BIRC2: variants seen among roughly 807,000 people sequenced by gnomAD.
BIRC2 encodes baculoviral IAP repeat containing 2.
A neutral mutation model predicts 60.9 loss-of-function variants in BIRC2; 18 were observed. The observed-to-expected ratio is 0.30, with a 90% CI of 0.20 to 0.44. The LOEUF (loss-of-function observed/expected upper bound fraction) is 0.44. Among genes scored for constraint, BIRC2 ranks in the 20% least tolerant of loss-of-function variants. The probability of loss-of-function intolerance (pLI) is 1.00; values close to 1 mark genes in which losing one functional copy is unlikely to be tolerated. For synonymous variants in BIRC2, 282 were observed against 247.7 expected (o/e 1.14, Z -1.30); for missense variants, 701 against 728.5 (o/e 0.96, Z 0.43).
chr11:102,372,627 A>G (rs1339302689), intron 6 of BIRC2, among the ~76,000 whole-genome samples: 1 of 143,154 alleles, frequency 7.0e-6, no homozygotes, highest in Non-Finnish European at 1.5e-5. Context: ...GTGGTGCTGA[A>G]AAAAATGTAT....
intron 5 of BIRC2, among the ~76,000 whole-genome samples, chr11:102,366,322 G>A (rs919683517): frequency 1.7e-4 from 25 of 150,512 alleles, no homozygotes; most frequent in African/African-American, 5.9e-4. Context: ...TTTCATTTCT[G>A]TCTTCATAAC....
At chr11:102,358,824 T>C (rs1951452978) in intron 3 of BIRC2, among the ~76,000 whole-genome samples, 1 of 152,196 alleles carries the variant, frequency 6.6e-6, no homozygotes, top group South Asian at 2.1e-4. Context: ...GCATGGAATA[T>C]CTTTTTTCCT....
intron 3 of BIRC2, among the ~76,000 whole-genome samples, chr11:102,354,026 A>G (rs1459237935): frequency 1.3e-5 from 2 of 152,112 alleles, no homozygotes; most frequent in Non-Finnish European, 2.9e-5. Flanking sequence ...TCAGCCCTCC[A>G]AATATGTGGG....
rs775357417 is a variant in BIRC2, at chr11:102,362,941, G to A, written c.1041G>A (p.Glu347=). 1.4e-5 allele frequency: 23 copies of A among 1,612,716 alleles called. No individual in the cohort carries two copies. The South Asian group carries it at 2.1e-4, about 15-fold the overall frequency. The change falls in exon 4 of 9, where the codon GAG becomes GAA. Residue 347 remains glutamate, a synonymous_variant. Transcript: ENST00000227758. ...TGAAAGGCCAAGAGTTTGTTGATGA[G>A]ATTCAAGGTAGATATCCTCATCTTC... ...IRMKGQEFVD[E]IQGRYPHLLE... is the part of the protein sequence containing the mutation.
At chr11:102,370,050 A>G (rs1309888168) in intron 6 of BIRC2, among the ~76,000 whole-genome samples, 8 of 152,124 alleles carry the variant, frequency 5.3e-5, no homozygotes, top group Non-Finnish European at 2.9e-5. Flanking sequence ...AGTTCATTGT[A>G]GATTCTGGTT....
chr11:102,366,805 A>G (rs147969951), intron 5 of BIRC2, among the ~76,000 whole-genome samples: 103 of 152,294 alleles, frequency 6.8e-4, no homozygotes, highest in African/African-American at 2.2e-3. Context: ...ACACAAGTCA[A>G]GTTTTATCAG....
At chr11:102,373,747 A>G (rs1156657123) in intron 6 of BIRC2, among the ~76,000 whole-genome samples, 1 of 151,498 alleles carries the variant, frequency 6.6e-6, no homozygotes, top group Non-Finnish European at 1.5e-5. Context: ...CTCCTGGATA[A>G]TATCCTGCAG....
intron 3 of BIRC2, among the ~76,000 whole-genome samples, chr11:102,353,667 T>C (rs763134168): frequency 6.7e-6 from 1 of 149,974 alleles, no homozygotes; most frequent in African/African-American, 2.4e-5. Flanking sequence ...CATCACCTTA[T>C]GTAGTAACTT....
At chr11:102,350,798 A>T in intron 2 of BIRC2, 46 bp from the exon 3 acceptor site, 2 of 1,607,970 alleles carry the variant, frequency 1.2e-6, no homozygotes, top group Non-Finnish European at 1.7e-6. Context: ...TAATTTACAT[A>T]TTAGAACATA....
intron 6 of BIRC2, among the ~76,000 whole-genome samples, chr11:102,371,548 A>G (rs200689834): frequency 3.8e-3 from 529 of 139,406 alleles, no homozygotes; most frequent in Non-Finnish European, 5.2e-3. Flanking sequence ...GCTTTTTGAT[A>G]TGCTGCTGGA....
At chr11:102,364,758 A>C (rs757926199) in intron 5 of BIRC2, among the ~76,000 whole-genome samples, 2 of 152,170 alleles carry the variant, frequency 1.3e-5, no homozygotes, top group Non-Finnish European at 2.9e-5. Context: ...TGGATGAAGG[A>C]TTTGGTAGTA....
At chr11:102,353,679 C>A (rs74609937) in intron 3 of BIRC2, among the ~76,000 whole-genome samples, 1 of 86,068 alleles carries the variant, frequency 1.2e-5, no homozygotes. Flanking sequence ...TAGTAACTTT[C>A]TTTTTTTTTT....
intron 3 of BIRC2, among the ~76,000 whole-genome samples, chr11:102,358,415 A>G (rs1702989779): frequency 6.6e-6 from 1 of 152,190 alleles, no homozygotes; most frequent in African/African-American, 2.4e-5. Context: ...TAAAAAATGT[A>G]AAATTCAAAA....
chr11:102,360,519 C>T (rs1951473501), intron 3 of BIRC2, among the ~76,000 whole-genome samples: 1 of 151,320 alleles, frequency 6.6e-6, no homozygotes, highest in Non-Finnish European at 1.5e-5. Flanking sequence ...TTGAATTTCT[C>T]ATTTGTTTGT....
chr11:102,356,381 A>G (rs1951420571), intron 3 of BIRC2, among the ~76,000 whole-genome samples: 1 of 151,666 alleles, frequency 6.6e-6, no homozygotes, highest in Non-Finnish European at 1.5e-5. Flanking sequence ...ATTTCTTAGT[A>G]GAGATGGCGT....
At position 102,349,894 on chromosome 11, in the gene BIRC2, T is replaced by G. The variant is rs1273719777; in HGVS notation, c.40T>G (p.Ser14Ala). The change falls in exon 2 of 9, where the codon TCG becomes GCG. Residue 14 changes from serine (S) to alanine (A), a missense_variant. Physicochemically the swap from Ser to Ala is moderately conservative, Grantham distance 99. Around this residue, in one of 4 missense-constraint regions of BIRC2, gnomAD observed 375 missense variants for 365.9 expected, o/e 1.02. Transcript: ENST00000227758. Reference protein sequence around the residue: ...TASQRLFPGPSYQNIKSIMED... With the variant: ...TASQRLFPGPAYQNIKSIMED... ...CTCCCAAAGACTTTTCCCAGGTCCC[T>G]CGTATCAAAACATTAAGAGTATAAT... is the stretch of plus-strand genomic sequence containing the variant. The G allele has an allele frequency of 3.1e-6, 5 of 1,612,712 alleles. 1 individual carries two copies. The Admixed American group carries it at 8.3e-5, about 27-fold the overall frequency.
Position 102,378,272 on chromosome 11 carries a change from T to G in BIRC2, c.*89T>G, listed in dbSNP as rs530079560. 9 of 1,095,544 alleles carry G rather than the reference T, an allele frequency of 8.2e-6. No homozygotes were observed. Among genetic ancestry groups the G allele is most frequent in the Non-Finnish European group, 1.1e-5 (9 of 800,194 alleles). 67.9% of individuals were successfully genotyped at this position (1,095,544 alleles called of 1,614,324 possible). A position where few individuals can be genotyped will look rare whatever the true frequency, so the allele number is the denominator to read the frequency against. ...GCCATCTAAAGTAAAAAGGGAATTA[T>G]GAGTTTTTCAATTAGTAACATTCAT... On this transcript the variant is annotated 3_prime_UTR_variant, in exon 9 of 9. Transcript: ENST00000227758.
At position 102,363,689 on chromosome 11, in the gene BIRC2, A is replaced by G; in HGVS notation, c.1096A>G (p.Thr366Ala). The G allele has an allele frequency of 6.2e-7, 1 of 1,612,234 alleles. No individual in the cohort carries two copies. Among genetic ancestry groups the G allele is most frequent in the Non-Finnish European group, 8.5e-7 (1 of 1,178,698 alleles). ...LEQLLSTSDT[T>A]GEENADPPII... ...ATAGCTGTTGTCAACTTCAGATACC[A>G]CTGGAGAAGAAAATGCTGACCCACC... The change falls in exon 5 of 9, where the codon ACT becomes GCT. Residue 366 changes from threonine to alanine, a missense_variant. Thr to Ala is a moderately conservative substitution (Grantham distance 58, BLOSUM62 0). Coordinates refer to ENST00000227758, the MANE Select transcript of BIRC2 (RefSeq NM_001166.5).
rs746661444 is a variant in BIRC2 at position 102,377,665 on chromosome 11, C to G, written c.1536C>G (p.Thr512=). 6.2e-7 allele frequency: 1 copy of G among 1,611,012 alleles called. No individual in the cohort carries two copies. Among genetic ancestry groups the G allele is most frequent in the Admixed American group, 1.7e-5 (1 of 59,074 alleles). Residue 512 remains threonine, a synonymous_variant, in exon 7 of 9, where the codon ACC becomes ACG. Transcript: ENST00000227758. ...TACAAGCGAGAGAACTGATTGATAC[C>G]ATTTTGGTTAAAGGAAATGCTGCGG... is the stretch of plus-strand genomic sequence containing the variant. The part of the protein sequence containing the change: ...IPLQARELID[T]ILVKGNAAAN...
Sources: gnomAD v4.1 joint callset for allele counts (sites outside exome capture counted in the v4.1 genomes callset) on GRCh38, gnomAD v4.1.1 for gene constraint, gnomAD v4.1.1 regional missense constraint, MANE v1.5 for transcripts, NCBI Gene and HGNC (gene_info 2026-07-23, HGNC 2026-07-21) for gene names.